EIF3H: variants seen among roughly 807,000 people sequenced by gnomAD.
The protein encoded by EIF3H is eukaryotic translation initiation factor 3 subunit H, also known as eIF-3-gamma.
A neutral mutation model predicts 44.2 loss-of-function variants in EIF3H; 26 were observed. The ratio of observed to expected loss-of-function variants is 0.59; its 90% CI spans 0.43 to 0.82. The LOEUF is 0.82. Ranked by LOEUF, EIF3H falls within the 40% of genes least tolerant of loss-of-function variation. The pLI is 0.00. For missense variants in EIF3H, 359 were observed against 432.8 expected (o/e 0.83, Z 1.51); for synonymous variants, 166 against 151.9 (o/e 1.09, Z -0.68).
intron 1 of EIF3H, among the ~76,000 whole-genome samples, chr8:116,743,362 G>C (rs1324400297): frequency 2.6e-5 from 4 of 152,152 alleles, no homozygotes; most frequent in South Asian, 2.1e-4. Context: ...TGAGGAGGAG[G>C]ATCACTCAAG....
At chr8:116,653,784 C>T (rs913260711) in intron 5 of EIF3H, among the ~76,000 whole-genome samples, 3 of 152,116 alleles carry the variant, frequency 2.0e-5, no homozygotes, top group East Asian at 3.9e-4. Context: ...ATTACTAGAA[C>T]TTCCATCTAA....
chr8:116,682,833 T>C (rs182250170), intron 2 of EIF3H, among the ~76,000 whole-genome samples: 1 of 152,330 alleles, frequency 6.6e-6, no homozygotes, highest in Admixed American at 6.5e-5. Flanking sequence ...CTGTAACATG[T>C]GGTTTGCTAC....
intron 2 of EIF3H, among the ~76,000 whole-genome samples, chr8:116,670,271 C>A (rs886783268): frequency 1.3e-5 from 2 of 152,224 alleles, no homozygotes; most frequent in African/African-American, 4.8e-5. Flanking sequence ...CTCCCACTGC[C>A]TCACAAGTAT....
At chr8:116,682,436 G>A (rs1814005757) in intron 2 of EIF3H, among the ~76,000 whole-genome samples, 1 of 152,118 alleles carries the variant, frequency 6.6e-6, no homozygotes, top group African/African-American at 2.4e-5. Flanking sequence ...CACAGGCAAT[G>A]TTGTAGACAA....
intron 2 of EIF3H, among the ~76,000 whole-genome samples, chr8:116,674,340 A>C (rs2130824034): frequency 1.4e-5 from 2 of 138,272 alleles, no homozygotes; most frequent in South Asian, 2.5e-4. Context: ...GTGGGGGGGA[A>C]GGGATTCTAA....
intron 1 of EIF3H, among the ~76,000 whole-genome samples, chr8:116,745,835 C>T (rs1015655369): frequency 2.0e-5 from 3 of 151,822 alleles, no homozygotes; most frequent in Non-Finnish European, 4.4e-5. Flanking sequence ...GCACGAGAAT[C>T]GCTTGAACCT....
chr8:116,674,539 T>A (rs1813815198), intron 2 of EIF3H, among the ~76,000 whole-genome samples: 1 of 152,092 alleles, frequency 6.6e-6, no homozygotes, highest in Non-Finnish European at 1.5e-5. Context: ...GGATTTTCCA[T>A]TACAAACGAA....
At chr8:116,685,450 C>T (rs1415611511) in intron 2 of EIF3H, among the ~76,000 whole-genome samples, 1 of 152,184 alleles carries the variant, frequency 6.6e-6, no homozygotes, top group Non-Finnish European at 1.5e-5. Context: ...AATAAGTATA[C>T]TTCGGTTCAG....
At chr8:116,746,714 T>C in intron 1 of EIF3H, among the ~76,000 whole-genome samples, 1 of 152,208 alleles carries the variant, frequency 6.6e-6, no homozygotes, top group Non-Finnish European at 1.5e-5. Flanking sequence ...TTTTCTATTA[T>C]AAAAAGTTAC....
intron 2 of EIF3H, among the ~76,000 whole-genome samples, chr8:116,685,312 C>T (rs916495788): frequency 2.6e-5 from 4 of 152,258 alleles, no homozygotes; most frequent in Non-Finnish European, 5.9e-5. Flanking sequence ...CTGCAATCTC[C>T]GTGTTAAACA....
intron 1 of EIF3H, among the ~76,000 whole-genome samples, chr8:116,763,512 GACCTTTGTAAC>G (rs1280917989): frequency 6.6e-6 from 1 of 152,082 alleles, no homozygotes. Context: ...CTCCATATCT[GACCTTTGTAAC>G]ACCTTCTGAC....
At chr8:116,691,634 G>C (rs1049623245) in intron 2 of EIF3H, among the ~76,000 whole-genome samples, 2 of 151,910 alleles carry the variant, frequency 1.3e-5, no homozygotes, top group East Asian at 3.9e-4. Flanking sequence ...CAGCACTTTA[G>C]AAGGACAAGG....
In EIF3H at chr8:116,673,213, A is replaced by C. The variant is rs547138552; in HGVS notation, c.290-14233T>G. Among the ~76,000 whole-genome samples, 63 of 152,278 alleles carry C rather than the reference A, an allele frequency of 4.1e-4. 1 individual carries two copies. The South Asian group carries it at 0.012, about 29-fold the overall frequency. Reference sequence around the variant, plus strand: ...CTTTTAAAACATCAGCAAAAGCAGCAAGCATTTGGTCACTGCCGGAGGATC... The same window carrying C: ...CTTTTAAAACATCAGCAAAAGCAGCCAGCATTTGGTCACTGCCGGAGGATC... On this transcript the variant is annotated intron_variant, in intron 2 of 7. Transcript: ENST00000521861.
chr8:116,755,408 A>C (rs1353339515), intron 1 of EIF3H, among the ~76,000 whole-genome samples: 2 of 152,052 alleles, frequency 1.3e-5, no homozygotes, highest in Non-Finnish European at 2.9e-5. Flanking sequence ...GTCATCTCAA[A>C]ACAAGACCCC....
intron 2 of EIF3H, among the ~76,000 whole-genome samples, chr8:116,723,676 AT>A (rs1814789922): frequency 6.6e-6 from 1 of 152,230 alleles, no homozygotes; most frequent in Admixed American, 6.5e-5. Context: ...AGTTAATGTG[AT>A]CAGTTAAAAG....
chr8:116,728,632 A>G (rs16888709), intron 1 of EIF3H, among the ~76,000 whole-genome samples: 7,912 of 152,128 alleles, frequency 0.052, 687 homozygotes, highest in African/African-American at 0.18. Flanking sequence ...ACACCAACTA[A>G]TAAGATTGGC....
Position 116,646,377 on chromosome 8 carries a change from T to TAA in EIF3H, c.961+93_961+94insTT. ...GCAACTATTTCAAACATACTAGCTT[T>TAA]TACGGCATGCTTTTCTGTTTGTAAA... On this transcript the variant is annotated intron_variant, in intron 7 of 7. Transcript: ENST00000521861. 4.5e-6 allele frequency: 7 copies of TAA among 1,566,230 alleles called. No individual in the cohort carries two copies. In the Admixed American group the frequency reaches 1.2e-4, roughly 26 times the overall value.
chr8:116,645,132 T>TA, intron 7 of EIF3H, 29 bp from the exon 8 acceptor site: 1 of 1,538,906 alleles, frequency 6.5e-7, no homozygotes, highest in South Asian at 1.1e-5. Flanking sequence ...GATAGAGCCA[T>TA]AATGTTCCAC....
At position 116,649,039 on chromosome 8, in the gene EIF3H, G is replaced by C. The variant is rs886075091; in HGVS notation, c.708-113C>G. 6.0e-6 allele frequency: 5 copies of C among 839,546 alleles called. No individual in the cohort carries two copies. The Admixed American group carries it at 1.7e-4, about 28-fold the overall frequency. 52.0% of individuals were successfully genotyped at this position (839,546 alleles called of 1,614,324 possible). On this transcript the variant is annotated intron_variant, in intron 5 of 7. Coordinates refer to ENST00000521861, the MANE Select transcript of EIF3H (RefSeq NM_003756.3). ...ACTGGCTTTTGCTAAAAGAATGAGAGCACACATATGCATAAAAGCAAGAGC... is the reference window on the plus strand; with the variant it reads ...ACTGGCTTTTGCTAAAAGAATGAGACCACACATATGCATAAAAGCAAGAGC...
Sources: allele counts gnomAD v4.1 joint callset (sites outside exome capture counted in the v4.1 genomes callset), GRCh38; gene constraint gnomAD v4.1.1; transcripts MANE v1.5; gene names NCBI Gene and HGNC (gene_info 2026-07-23, HGNC 2026-07-21).